Variants in DDX10 observed in about 807,000 individuals in gnomAD.
The protein encoded by DDX10 is probable ATP-dependent RNA helicase DDX10.
A neutral mutation model predicts 104.3 loss-of-function variants in DDX10; 74 were observed. The ratio of observed to expected loss-of-function variants is 0.71; its 90% confidence interval spans 0.59 to 0.86. DDX10 has a LOEUF of 0.86. Among genes scored for constraint, DDX10 ranks in the 40% least tolerant of loss-of-function variants. The pLI, the probability that DDX10 is intolerant of heterozygous loss-of-function variation, is 0.00. For missense variants in DDX10, 952 were observed against 1,040.0 expected (o/e 0.92, Z 1.16); for synonymous variants, 351 against 353.4 (o/e 0.99, Z 0.08).
intron 16 of DDX10, among the ~76,000 whole-genome samples, chr11:108,865,140 A>T (rs1862993150): frequency 6.6e-6 from 1 of 152,092 alleles, no homozygotes; most frequent in African/African-American, 2.4e-5. Context: ...GGAAGGAGAG[A>T]GTGCTTCGAG....
chr11:108,861,085 G>A (rs1006547065), intron 16 of DDX10: 14 of 150,972 alleles, frequency 9.3e-5, no homozygotes, highest in Admixed American at 2.0e-4. Context: ...GAGTCAGTGG[G>A]CTAGGGAAGG....
At chr11:108,829,176 A>C (rs1862437146) in intron 13 of DDX10, among the ~76,000 whole-genome samples, 2 of 152,206 alleles carry the variant, frequency 1.3e-5, no homozygotes, top group South Asian at 4.1e-4. Context: ...GAATCTCCAC[A>C]CTGTTTTCTG....
chr11:108,716,994 T>C (rs541583378), intron 11 of DDX10, among the ~76,000 whole-genome samples: 1 of 152,306 alleles, frequency 6.6e-6, no homozygotes, highest in East Asian at 1.9e-4. Flanking sequence ...TATTTTTCAT[T>C]ATGCTTTCCA....
At chr11:108,714,068 G>A (rs999315388) in intron 10 of DDX10, among the ~76,000 whole-genome samples, 2 of 152,156 alleles carry the variant, frequency 1.3e-5, no homozygotes, top group African/African-American at 4.8e-5. Context: ...AGAGTGCTCA[G>A]GCATATTTCA....
intron 10 of DDX10, among the ~76,000 whole-genome samples, chr11:108,714,323 G>C (rs1249786612): frequency 6.6e-5 from 10 of 152,170 alleles, no homozygotes; most frequent in Non-Finnish European, 1.2e-4. Context: ...TCATGACTCA[G>C]CTCAAGTAAG....
intron 16 of DDX10, among the ~76,000 whole-genome samples, chr11:108,897,074 T>G (rs2134644955): frequency 6.6e-6 from 1 of 152,238 alleles, no homozygotes; most frequent in East Asian, 1.9e-4. Context: ...TTTAACTTCT[T>G]TAAACTGAAG....
intron 13 of DDX10, among the ~76,000 whole-genome samples, chr11:108,770,972 G>A (rs899321786): frequency 6.6e-6 from 1 of 152,064 alleles, no homozygotes; most frequent in African/African-American, 2.4e-5. Context: ...CACCAACAGT[G>A]TATGAGGGTT....
intron 16 of DDX10, among the ~76,000 whole-genome samples, chr11:108,859,820 C>T (rs1229477007): frequency 3.3e-5 from 5 of 152,014 alleles, no homozygotes; most frequent in African/African-American, 1.2e-4. Context: ...TGGATGTGAC[C>T]ATCGTGATTG....
intron 13 of DDX10, among the ~76,000 whole-genome samples, chr11:108,759,503 A>G (rs191241191): frequency 2.0e-5 from 3 of 152,082 alleles, no homozygotes; most frequent in African/African-American, 7.2e-5. Context: ...CTGAACTCAG[A>G]TGGTAGATAT....
At chr11:108,922,796 T>C (rs1381352371) in intron 17 of DDX10, among the ~76,000 whole-genome samples, 2 of 152,226 alleles carry the variant, frequency 1.3e-5, no homozygotes, top group African/African-American at 4.8e-5. Context: ...GAAAATTATG[T>C]GACTTTGGGT....
rs192844630 is a variant in DDX10, at chr11:108,808,204, C to T, written c.1966-30242C>T. Among the ~76,000 whole-genome samples the T allele has an allele frequency of 7.0e-4, 107 of 152,090 alleles. 1 individual carries two copies. The highest frequency in any genetic ancestry group is 2.4e-3 in the African/African-American group (98 of 41,480). ...GAAATGTTTCAATGATGGGAATTTG[C>T]GGAGTTTTTTTTACAAATTTTTTTT... On this transcript the variant is annotated intron_variant, in intron 13 of 17. Transcript: ENST00000322536.
At chr11:108,904,792 GAGAT>G (rs1295676167) in intron 16 of DDX10, among the ~76,000 whole-genome samples, 1 of 151,992 alleles carries the variant, frequency 6.6e-6, no homozygotes, top group African/African-American at 2.4e-5. Context: ...ATGTGCCAGA[GAGAT>G]ATATGAGCCT....
intron 17 of DDX10, among the ~76,000 whole-genome samples, chr11:108,923,561 C>A (rs1321102006): frequency 6.6e-6 from 1 of 152,202 alleles, no homozygotes; most frequent in Admixed American, 6.5e-5. Flanking sequence ...TAGTGCCTGT[C>A]ATGGGCCAGG....
rs779264219 is a variant in DDX10 at position 108,831,421 on chromosome 11, C to CAAA, written c.1966-7003_1966-7001dup. 2.1e-3 allele frequency among the ~76,000 whole-genome samples: 144 copies of CAAA among 69,652 alleles called. 2 individuals carry two copies. Among genetic ancestry groups the CAAA allele is most frequent in the African/African-American group, 3.0e-3 (47 of 15,422 alleles). 45.7% of individuals were successfully genotyped at this position (69,652 alleles called of 152,430 possible). ...GCCTGGTGACAGAGCGAGACTGTCTCAAAAAAAAAAAAAAAAAAAAAAAAG... is the reference window on the plus strand; with the variant it reads ...GCCTGGTGACAGAGCGAGACTGTCTCAAAAAAAAAAAAAAAAAAAAAAAAAAAG... On this transcript the variant is annotated intron_variant, in intron 13 of 17. Coordinates refer to ENST00000322536, the MANE Select transcript of DDX10 (RefSeq NM_004398.4).
chr11:108,749,304 G>C (rs4351782), intron 13 of DDX10, among the ~76,000 whole-genome samples: 1 of 151,982 alleles, frequency 6.6e-6, no homozygotes, highest in Non-Finnish European at 1.5e-5. Context: ...ATTTGGTTCA[G>C]GGTACTATAA....
chr11:108,772,928 C>T (rs560926754), intron 13 of DDX10, among the ~76,000 whole-genome samples: 8 of 152,218 alleles, frequency 5.3e-5, no homozygotes, highest in South Asian at 2.1e-4. Flanking sequence ...GTTTAACCCA[C>T]GATTGCTTTT....
intron 13 of DDX10, among the ~76,000 whole-genome samples, chr11:108,768,897 T>C (rs962339415): frequency 3.9e-5 from 6 of 152,130 alleles, no homozygotes; most frequent in African/African-American, 1.2e-4. Context: ...AGTGAGAGTA[T>C]GTTTTGTTTT....
intron 16 of DDX10, among the ~76,000 whole-genome samples, chr11:108,891,072 C>T (rs544013671): frequency 5.5e-4 from 83 of 152,252 alleles, no homozygotes; most frequent in African/African-American, 1.8e-3. Context: ...CCACGTCCTG[C>T]CTCTTATGAA....
intron 13 of DDX10, among the ~76,000 whole-genome samples, chr11:108,784,140 G>A (rs142985430): frequency 2.6e-3 from 398 of 152,220 alleles, no homozygotes; most frequent in African/African-American, 8.9e-3. Flanking sequence ...TTTTGATACT[G>A]TAAATTATTT....
Sources: gnomAD v4.1 joint callset for allele counts (sites outside exome capture counted in the v4.1 genomes callset) on GRCh38, gnomAD v4.1.1 for gene constraint, MANE v1.5 for transcripts, NCBI Gene and HGNC (gene_info 2026-07-23, HGNC 2026-07-21) for gene names.